Variants in PACRG observed in about 807,000 individuals in gnomAD.
PACRG encodes the protein parkin coregulated, also known as parkin coregulated gene protein.
PACRG carries 29 observed loss-of-function variants against 29.7 expected under a neutral mutation model. The ratio of observed to expected loss-of-function variants is 0.98; its 90% confidence interval spans 0.73 to 1.33. PACRG has a LOEUF of 1.33. Among genes scored for constraint, PACRG ranks in the 40% most tolerant of loss-of-function variants. PACRG has a pLI of 0.00. For missense variants in PACRG, 279 were observed against 316.2 expected (o/e 0.88, Z 0.89); for synonymous variants, 116 against 118.7 (o/e 0.98, Z 0.15).
At chr6:162,811,264 C>T (rs772314748) in intron 1 of PACRG, among the ~76,000 whole-genome samples, 5 of 151,926 alleles carry the variant, frequency 3.3e-5, no homozygotes, top group South Asian at 2.1e-4. Context: ...AAGGAGAAAC[C>T]GAAGACACAA....
intron 4 of PACRG, chr6:163,179,445 A>G (rs7768185): frequency 0.013 from 3,990 of 303,206 alleles, 160 homozygotes; most frequent in African/African-American, 0.08. Context: ...CACGCTTGTA[A>G]TCCCAACACT....
chr6:162,761,495 G>T (rs562220062), intron 1 of PACRG, among the ~76,000 whole-genome samples: 1 of 152,108 alleles, frequency 6.6e-6, no homozygotes, highest in Non-Finnish European at 1.5e-5. Flanking sequence ...CTGCTCTACT[G>T]TCTGTGCTAT....
At chr6:162,746,937 C>T (rs540135085) in intron 1 of PACRG, among the ~76,000 whole-genome samples, 2 of 152,096 alleles carry the variant, frequency 1.3e-5, no homozygotes, top group African/African-American at 4.8e-5. Context: ...TGATTTGAAA[C>T]TTATCAACAC....
At chr6:162,970,109 A>G (rs1473235365) in intron 2 of PACRG, among the ~76,000 whole-genome samples, 1 of 152,206 alleles carries the variant, frequency 6.6e-6, no homozygotes, top group Non-Finnish European at 1.5e-5. Flanking sequence ...ACATGCAAAT[A>G]GTGCCTTCTC....
chr6:162,838,695 A>C (rs1430030230), intron 2 of PACRG, among the ~76,000 whole-genome samples: 2 of 150,074 alleles, frequency 1.3e-5, no homozygotes, highest in African/African-American at 4.9e-5. Context: ...GCACCCACTA[A>C]CTGGTCATCT....
intron 2 of PACRG, chr6:163,043,167 T>C (rs931160453): frequency 4.6e-5 from 7 of 152,196 alleles, no homozygotes; most frequent in Non-Finnish European, 1.0e-4. Flanking sequence ...TGTTCTTCAA[T>C]CACTGTAAAC....
intron 2 of PACRG, among the ~76,000 whole-genome samples, chr6:162,831,008 G>T (rs1436574947): frequency 2.6e-5 from 4 of 152,058 alleles, no homozygotes; most frequent in East Asian, 3.9e-4. Context: ...GCTTCATTTT[G>T]TCCTATTCTG....
upstream of PACRG, chr6:162,727,346 G>C (rs2128242810): frequency 2.3e-6 from 1 of 425,586 alleles, no homozygotes. Flanking sequence ...AGAAGGCTTC[G>C]GGACCCCACA....
intron 4 of PACRG, among the ~76,000 whole-genome samples, chr6:163,197,264 G>A (rs1453425386): frequency 6.6e-6 from 1 of 151,936 alleles, no homozygotes; most frequent in African/African-American, 2.4e-5. Context: ...TGTGGATATT[G>A]TTGGTGCTTT....
intron 2 of PACRG, among the ~76,000 whole-genome samples, chr6:162,920,899 A>G (rs777177854): frequency 6.6e-6 from 1 of 152,186 alleles, no homozygotes; most frequent in Non-Finnish European, 1.5e-5. Flanking sequence ...TTTAAATTCT[A>G]TGGAAATGTG....
intron 2 of PACRG, among the ~76,000 whole-genome samples, chr6:163,026,416 T>C (rs1001068465): frequency 6.6e-6 from 1 of 152,226 alleles, no homozygotes; most frequent in Admixed American, 6.5e-5. Flanking sequence ...ATTAAATTGC[T>C]TTGGTAGAAT....
intron 2 of PACRG, among the ~76,000 whole-genome samples, chr6:163,048,215 G>A (rs1221812804): frequency 6.6e-6 from 1 of 151,832 alleles, no homozygotes; most frequent in Non-Finnish European, 1.5e-5. Flanking sequence ...CTCCAGCGTA[G>A]GGTTGAATAA....
rs148804761 is a variant in PACRG, at chr6:163,111,631, C to G, written c.613+22223C>G. On this transcript the variant is annotated intron_variant, in intron 4 of 4. Coordinates refer to ENST00000366888, the MANE Select transcript of PACRG (RefSeq NM_001080379.2). ...CCTCCCTTTGAAACCCACTTGTGGT[C>G]AGTGTTAGAGAGCTGATGGTTTTCT... Among the ~76,000 whole-genome samples, 444 of 152,286 alleles carry G rather than the reference C, an allele frequency of 2.9e-3. 2 individuals carry two copies. The highest frequency in any genetic ancestry group is 5.4e-3 in the Non-Finnish European group (370 of 68,020).
At chr6:162,861,553 C>G (rs907357550) in intron 2 of PACRG, among the ~76,000 whole-genome samples, 11 of 152,064 alleles carry the variant, frequency 7.2e-5, no homozygotes, top group Admixed American at 3.9e-4. Flanking sequence ...AGCTACCTAT[C>G]AAAGCGAAAG....
intron 1 of PACRG, among the ~76,000 whole-genome samples, chr6:162,743,574 A>G (rs1294806415): frequency 1.3e-5 from 2 of 152,108 alleles, no homozygotes; most frequent in African/African-American, 4.8e-5. Context: ...GAACTGACAT[A>G]CCAATTCTTC....
At chr6:162,811,222 A>G (rs959867909) in intron 1 of PACRG, among the ~76,000 whole-genome samples, 7 of 152,196 alleles carry the variant, frequency 4.6e-5, no homozygotes, top group African/African-American at 1.7e-4. Context: ...GAAGAAATCA[A>G]TAAAATTGGC....
chr6:163,083,688 T>A (rs1330340897), intron 3 of PACRG, among the ~76,000 whole-genome samples: 1 of 152,242 alleles, frequency 6.6e-6, no homozygotes, highest in East Asian at 1.9e-4. Flanking sequence ...CCCATTTTTT[T>A]AATTGGAAGA....
rs78923000 is a variant in PACRG, at chr6:162,977,069, A to G, written c.292-85081A>G. Reference sequence around the variant, plus strand: ...TGAGAAATATTTGTTAAGTAAGAACAAATATAATGGTATTGCAGGTTAATA... The same window carrying G: ...TGAGAAATATTTGTTAAGTAAGAACGAATATAATGGTATTGCAGGTTAATA... On this transcript the variant is annotated intron_variant, in intron 2 of 4. Transcript: ENST00000366888. Among the ~76,000 whole-genome samples the G allele has an allele frequency of 4.9e-4, 74 of 152,216 alleles. 2 individuals are homozygous for G. The East Asian group carries it at 0.011, about 23-fold the overall frequency.
chr6:162,727,774 T>C (rs1021162902), upstream of PACRG: 4 of 1,207,458 alleles, frequency 3.3e-6, no homozygotes, highest in Non-Finnish European at 4.7e-6. Flanking sequence ...CCTCCAGGCC[T>C]CCCCGCCCCC....
Sources: allele counts gnomAD v4.1 joint callset (sites outside exome capture counted in the v4.1 genomes callset), GRCh38; gene constraint gnomAD v4.1.1; transcripts MANE v1.5; gene names NCBI Gene and HGNC (gene_info 2026-07-23, HGNC 2026-07-21).